Variants in KIRREL3 observed in about 807,000 individuals in gnomAD.
KIRREL3 encodes the protein kin of IRRE-like protein 3.
A neutral mutation model predicts 89.7 loss-of-function variants in KIRREL3; 36 were observed. That is an observed-to-expected ratio of 0.40 (90% CI 0.31 to 0.53). The LOEUF is 0.53. Among genes scored for constraint, KIRREL3 ranks in the 20% least tolerant of loss-of-function variants. The pLI is 0.49. For missense variants in KIRREL3, 864 were observed against 1,056.6 expected, an observed-to-expected ratio of 0.82 and a Z score of 2.53; for synonymous variants, 445 against 441.4, an observed-to-expected ratio of 1.01 and a Z score of -0.10.
At chr11:126,803,021 T>C (rs1951088565) in intron 1 of KIRREL3, among the ~76,000 whole-genome samples, 2 of 152,218 alleles carry the variant, frequency 1.3e-5, no homozygotes, top group Non-Finnish European at 2.9e-5. Flanking sequence ...AGCTAATTGA[T>C]TCCTCCATTC....
rs887055018 is a variant in KIRREL3, at chr11:126,561,209, C to A, written c.133+1626G>T. Among the ~76,000 whole-genome samples, 8 of 152,186 alleles carry A rather than the reference C, an allele frequency of 5.3e-5. No individual in the cohort carries two copies. The highest frequency in any genetic ancestry group is 1.9e-4 in the African/African-American group (8 of 41,432). On this transcript the variant is annotated intron_variant, in intron 2 of 16. Coordinates refer to ENST00000525144, the MANE Select transcript of KIRREL3 (RefSeq NM_032531.4). The surrounding 1 kb of genome is among the most constrained non-coding windows in gnomAD (Gnocchi z 4.5). ...CCAGCTCTCCAGAGCCAAAGCTGACCCACCTGTGTCTCTCCTCTGCCCCAC... is the reference window on the plus strand; with the variant it reads ...CCAGCTCTCCAGAGCCAAAGCTGACACACCTGTGTCTCTCCTCTGCCCCAC...
At position 126,955,800 on chromosome 11, in the gene KIRREL3, G is replaced by A. The variant is rs1360461467; in HGVS notation, c.55+44655C>T. 2.6e-5 allele frequency among the ~76,000 whole-genome samples: 4 copies of A among 152,202 alleles called. No homozygotes were observed. Among genetic ancestry groups the A allele is most frequent in the Non-Finnish European group, 5.9e-5 (4 of 68,038 alleles). ...CTCTAGTGAGAGAGAAGCATTCAGGGCTGATGTTCTGAATGGCAGTGCTGG... is the reference window on the plus strand; with the variant it reads ...CTCTAGTGAGAGAGAAGCATTCAGGACTGATGTTCTGAATGGCAGTGCTGG... On this transcript the variant is annotated intron_variant, in intron 1 of 16. Transcript: ENST00000525144. The surrounding 1 kb of genome is among the most constrained non-coding windows in gnomAD (Gnocchi z 4.6).
chr11:126,478,632 CGTGTGTAT>C (rs1235619052), intron 4 of KIRREL3, among the ~76,000 whole-genome samples: 24 of 147,490 alleles, frequency 1.6e-4, no homozygotes, highest in African/African-American at 5.2e-4. Context: ...TGTGTGTATG[CGTGTGTAT>C]GTGTGTATGT....
rs776563593 is a variant in KIRREL3 at position 126,440,586 on chromosome 11, G to A, written c.1253-37C>T. On this transcript the variant is annotated intron_variant, in intron 10 of 16. Transcript: ENST00000525144. ...CAGCGTCCCATTAGGCACCCGGGAA[G>A]GGCACGTCCCTGCTGGCGCCCTCTT... The A allele has an allele frequency of 3.9e-6, 6 of 1,543,094 alleles. No individual in the cohort carries two copies. In the East Asian group the frequency reaches 1.4e-4, roughly 37 times the overall value.
Position 126,761,347 on chromosome 11 carries a change from A to T in KIRREL3, c.56-198435T>A, listed in dbSNP as rs1279739493. Among the ~76,000 whole-genome samples the T allele has an allele frequency of 6.6e-6, 1 of 151,748 alleles. No individual in the cohort carries two copies. Among genetic ancestry groups the T allele is most frequent in the Admixed American group, 6.6e-5 (1 of 15,256 alleles). On this transcript the variant is annotated intron_variant, in intron 1 of 16. Coordinates refer to ENST00000525144, the MANE Select transcript of KIRREL3 (RefSeq NM_032531.4). The surrounding 1 kb of genome is among the most constrained non-coding windows in gnomAD (Gnocchi z 4.4). Reference sequence around the variant, plus strand: ...GACTGTGATGAGTTGGCTTCTCAGGAGTTTCCTACTCGCTGGGGCCTGTGA... The same window carrying T: ...GACTGTGATGAGTTGGCTTCTCAGGTGTTTCCTACTCGCTGGGGCCTGTGA...
Position 126,807,599 on chromosome 11 carries a change from C to G in KIRREL3, c.55+192856G>C, listed in dbSNP as rs112156372. ...ACACACGGAACCTCATGCAGGTACC[C>G]AATTATGCTGTGCCCTTCCCCATCT... On this transcript the variant is annotated intron_variant, in intron 1 of 16. Transcript: ENST00000525144. This position sits in a 1 kb window ranked among gnomAD's most constrained non-coding sequence, Gnocchi z 4.3. 6.6e-6 allele frequency among the ~76,000 whole-genome samples: 1 copy of G among 152,174 alleles called. No individual in the cohort carries two copies. The highest frequency in any genetic ancestry group is 1.5e-5 in the Non-Finnish European group (1 of 68,030).
At chr11:126,825,504 A>G (rs1054707143) in intron 1 of KIRREL3, among the ~76,000 whole-genome samples, 2 of 152,234 alleles carry the variant, frequency 1.3e-5, no homozygotes, top group African/African-American at 4.8e-5. Context: ...AGTGATGAGC[A>G]TAAATAACAT....
chr11:126,841,450 T>A (rs577357466), intron 1 of KIRREL3, among the ~76,000 whole-genome samples: 85 of 152,134 alleles, frequency 5.6e-4, no homozygotes, highest in African/African-American at 2.0e-3. Context: ...CAAAAATAAA[T>A]CCCTCCTAAA....
intron 1 of KIRREL3, among the ~76,000 whole-genome samples, chr11:126,746,091 TC>T (rs1342690711): frequency 6.6e-6 from 1 of 152,230 alleles, no homozygotes; most frequent in East Asian, 1.9e-4. Flanking sequence ...TTTGTGGACT[TC>T]TACCCACCCT....
chr11:126,540,004 A>G (rs1938228003), intron 2 of KIRREL3, among the ~76,000 whole-genome samples: 1 of 152,220 alleles, frequency 6.6e-6, no homozygotes, highest in African/African-American at 2.4e-5. Flanking sequence ...TGAGGTTTGC[A>G]CAGGTTTTGA....
In KIRREL3 at chr11:126,788,351, T is replaced by C. The variant is rs964704000; in HGVS notation, c.55+212104A>G. ...CCCACTGTGCTACTCAGACAGGGTATGCAAGTTGCATTTGACATTTCTGCA... is the reference window on the plus strand; with the variant it reads ...CCCACTGTGCTACTCAGACAGGGTACGCAAGTTGCATTTGACATTTCTGCA... On this transcript the variant is annotated intron_variant, in intron 1 of 16. Transcript: ENST00000525144. The surrounding 1 kb of genome is among the most constrained non-coding windows in gnomAD (Gnocchi z 4.1). 1.3e-5 allele frequency among the ~76,000 whole-genome samples: 2 copies of C among 152,218 alleles called. No homozygotes were observed. The highest frequency in any genetic ancestry group is 4.8e-5 in the African/African-American group (2 of 41,460).
At position 126,990,614 on chromosome 11, in the gene KIRREL3, C is replaced by T. The variant is rs1950009514; in HGVS notation, c.55+9841G>A. ...TGGCGTCAGGGCCCAAAATAGTGCC[C>T]CAGCTCTTGGTGCGGCTTCAGAAGA... On this transcript the variant is annotated intron_variant, in intron 1 of 16. Transcript: ENST00000525144. This position sits in a 1 kb window ranked among gnomAD's most constrained non-coding sequence, Gnocchi z 6.3. 6.6e-6 allele frequency among the ~76,000 whole-genome samples: 1 copy of T among 152,334 alleles called. No homozygotes were observed. Among genetic ancestry groups the T allele is most frequent in the East Asian group, 1.9e-4 (1 of 5,172 alleles).
intron 1 of KIRREL3, among the ~76,000 whole-genome samples, chr11:126,629,396 G>A (rs936521524): frequency 6.6e-6 from 1 of 152,172 alleles, no homozygotes; most frequent in Non-Finnish European, 1.5e-5. Flanking sequence ...GGAGCTCTGG[G>A]GGGCCAGCTG....
At chr11:126,932,508 C>T (rs1258158012) in intron 1 of KIRREL3, among the ~76,000 whole-genome samples, 1 of 152,184 alleles carries the variant, frequency 6.6e-6, no homozygotes, top group Admixed American at 6.5e-5. Context: ...TGACCATCAA[C>T]ATTAGTATCG....
chr11:126,585,087 T>A (rs918677146), intron 1 of KIRREL3, among the ~76,000 whole-genome samples: 12 of 148,428 alleles, frequency 8.1e-5, no homozygotes, highest in African/African-American at 2.7e-4. Flanking sequence ...GCCCGGCTAA[T>A]TTTTTGTATT....
At chr11:126,511,962 C>T (rs1958237424) in intron 4 of KIRREL3, among the ~76,000 whole-genome samples, 1 of 152,214 alleles carries the variant, frequency 6.6e-6, no homozygotes, top group Non-Finnish European at 1.5e-5. Context: ...CCTCAGACAG[C>T]GTCCTGGGTT....
chr11:126,917,489 T>TA lies in KIRREL3; in HGVS notation c.55+82965dup, dbSNP rs113086373. Among the ~76,000 whole-genome samples, 74 of 150,962 alleles carry TA rather than the reference T, an allele frequency of 4.9e-4. No individual in the cohort carries two copies. Among genetic ancestry groups the TA allele is most frequent in the Admixed American group, 1.3e-3 (20 of 15,154 alleles). On this transcript the variant is annotated intron_variant, in intron 1 of 16. Coordinates refer to ENST00000525144, the MANE Select transcript of KIRREL3 (RefSeq NM_032531.4). This position sits in a 1 kb window ranked among gnomAD's most constrained non-coding sequence, Gnocchi z 5.0. The stretch of plus-strand genomic sequence containing the variant: ...ATATATTTTACCACAATAAAAAAAT[T>TA]AAAAAAAAACAAGGAAAAACCTGCA...
In KIRREL3 at chr11:126,535,682, G is replaced by T. The variant is rs1019178416; in HGVS notation, c.134-8995C>A. Among the ~76,000 whole-genome samples the T allele has an allele frequency of 6.6e-6, 1 of 152,112 alleles. No homozygotes were observed. The highest frequency in any genetic ancestry group is 2.4e-5 in the African/African-American group (1 of 41,424). ...ATTTGCTGCTTCTATTCCTTATCAA[G>T]CACTTAAGATTTTGGTTGAGGGCTG... On this transcript the variant is annotated intron_variant, in intron 2 of 16. Transcript: ENST00000525144. The surrounding 1 kb of genome is among the most constrained non-coding windows in gnomAD (Gnocchi z 4.5).
In KIRREL3 at chr11:126,515,515, A is replaced by G. The variant is rs1292589099; in HGVS notation, c.433+5800T>C. Among the ~76,000 whole-genome samples the G allele has an allele frequency of 6.6e-6, 1 of 152,196 alleles. No individual in the cohort carries two copies. Among genetic ancestry groups the G allele is most frequent in the Non-Finnish European group, 1.5e-5 (1 of 68,036 alleles). On this transcript the variant is annotated intron_variant, in intron 4 of 16. Transcript: ENST00000525144. The surrounding 1 kb of genome is among the most constrained non-coding windows in gnomAD (Gnocchi z 4.2). The stretch of plus-strand genomic sequence containing the variant: ...GACAGTCAGGCCATGTGGGCTCCAG[A>G]GAAGGCTTCCTGGAGGAGGAGTTGT...
Sources: allele counts gnomAD v4.1 joint callset (sites outside exome capture counted in the v4.1 genomes callset), GRCh38; gene constraint gnomAD v4.1.1; non-coding constraint Gnocchi (gnomAD v3.1); transcripts MANE v1.5; gene names NCBI Gene and HGNC (gene_info 2026-07-23, HGNC 2026-07-21).